Variants in MDGA2 observed in about 807,000 individuals in gnomAD.
The protein encoded by MDGA2 is MAM domain-containing glycosylphosphatidylinositol anchor protein 2.
MDGA2 carries 40 observed loss-of-function variants against 117.8 expected under a neutral mutation model. The observed-to-expected ratio is 0.34, with a 90% CI of 0.26 to 0.44. The LOEUF is 0.44. Ranked by LOEUF, MDGA2 falls within the 20% of genes least tolerant of loss-of-function variation. The pLI is 1.00. For missense variants in MDGA2, 1,123 were observed against 1,250.6 expected (o/e 0.90, Z 1.54); for synonymous variants, 452 against 439.0 (o/e 1.03, Z -0.37).
At chr14:46,897,912 A>T (rs1883143607) in intron 10 of MDGA2, among the ~76,000 whole-genome samples, 1 of 151,988 alleles carries the variant, frequency 6.6e-6, no homozygotes, top group Non-Finnish European at 1.5e-5. Flanking sequence ...TATAAATGAT[A>T]GATAGATCCT....
intron 8 of MDGA2, among the ~76,000 whole-genome samples, chr14:47,014,423 A>G (rs1888010143): frequency 6.6e-6 from 1 of 152,194 alleles, no homozygotes; most frequent in Non-Finnish European, 1.5e-5. Flanking sequence ...CCTGCTATGA[A>G]AATCCTACTG....
intron 8 of MDGA2, among the ~76,000 whole-genome samples, chr14:47,023,879 C>T (rs1174419735): frequency 6.6e-6 from 1 of 151,848 alleles, no homozygotes; most frequent in East Asian, 1.9e-4. Context: ...CATTATATTG[C>T]CAAGCAAGAG....
chr14:47,214,149 G>A (rs1282725454), intron 3 of MDGA2, among the ~76,000 whole-genome samples: 2 of 152,048 alleles, frequency 1.3e-5, no homozygotes, highest in Non-Finnish European at 2.9e-5. Flanking sequence ...AGATTATGGT[G>A]ATTATAATTC....
intron 1 of MDGA2, among the ~76,000 whole-genome samples, chr14:47,320,116 C>G (rs572515047): frequency 1.3e-5 from 2 of 152,244 alleles, no homozygotes; most frequent in South Asian, 4.1e-4. Context: ...CCTGTGGACA[C>G]CTTGATCTTG....
intron 1 of MDGA2, among the ~76,000 whole-genome samples, chr14:47,661,570 T>C (rs1897846393): frequency 6.6e-6 from 1 of 152,132 alleles, no homozygotes; most frequent in South Asian, 2.1e-4. Context: ...AAATACAACT[T>C]AAAAGACCTG....
intron 1 of MDGA2, among the ~76,000 whole-genome samples, chr14:47,302,537 C>T (rs1253171513): frequency 6.6e-6 from 1 of 152,042 alleles, no homozygotes; most frequent in African/African-American, 2.4e-5. Flanking sequence ...TATCTTCAAC[C>T]TAAACAGTAG....
chr14:47,472,748 T>G (rs1893754778), intron 1 of MDGA2, among the ~76,000 whole-genome samples: 1 of 152,120 alleles, frequency 6.6e-6, no homozygotes, highest in South Asian at 2.1e-4. Context: ...TGGAGAGGGC[T>G]CCTTCTTTTA....
chr14:47,349,149 A>C, intron 1 of MDGA2, among the ~76,000 whole-genome samples: 1 of 152,238 alleles, frequency 6.6e-6, no homozygotes, highest in Non-Finnish European at 1.5e-5. Flanking sequence ...CCTAGAGCCT[A>C]CTTGAAGTGA....
At chr14:47,168,186 G>C (rs1159940730) in intron 3 of MDGA2, among the ~76,000 whole-genome samples, 3 of 146,344 alleles carry the variant, frequency 2.0e-5, no homozygotes, top group African/African-American at 7.6e-5. Context: ...TGGAGTTTCT[G>C]AGAATATTTT....
At chr14:47,342,478 C>A (rs1890659965) in intron 1 of MDGA2, among the ~76,000 whole-genome samples, 1 of 151,842 alleles carries the variant, frequency 6.6e-6, no homozygotes, top group African/African-American at 2.4e-5. Context: ...ATTTCACAAC[C>A]CACGTTCTTA....
intron 16 of MDGA2, among the ~76,000 whole-genome samples, chr14:46,843,046 A>G (rs1228316568): frequency 6.6e-6 from 1 of 152,084 alleles, no homozygotes; most frequent in East Asian, 1.9e-4. Context: ...TATTTCCCCT[A>G]ATTTATAGAG....
At chr14:47,179,870 C>T (rs1884628775) in intron 3 of MDGA2, among the ~76,000 whole-genome samples, 2 of 151,972 alleles carry the variant, frequency 1.3e-5, no homozygotes, top group Admixed American at 1.3e-4. Context: ...TTTTTTAGAA[C>T]TAAATTTGGA....
intron 2 of MDGA2, among the ~76,000 whole-genome samples, chr14:47,289,760 T>C (rs1888816532): frequency 6.6e-6 from 1 of 152,176 alleles, no homozygotes; most frequent in Non-Finnish European, 1.5e-5. Context: ...ATATCAACTC[T>C]TGTAGTAAAA....
chr14:46,869,287 T>C (rs933976583), intron 14 of MDGA2, among the ~76,000 whole-genome samples: 1 of 151,740 alleles, frequency 6.6e-6, no homozygotes, highest in African/African-American at 2.4e-5. Context: ...TTTAAAGAAA[T>C]GAATGATGCA....
intron 1 of MDGA2, among the ~76,000 whole-genome samples, chr14:47,383,470 T>A (rs2138421994): frequency 6.6e-6 from 1 of 152,302 alleles, no homozygotes; most frequent in Non-Finnish European, 1.5e-5. Context: ...GAAATATTAA[T>A]AAAATTCTGT....
chr14:47,225,481 A>G (rs1035587632), intron 2 of MDGA2, among the ~76,000 whole-genome samples: 4 of 152,072 alleles, frequency 2.6e-5, no homozygotes, highest in Non-Finnish European at 5.9e-5. Context: ...CTATGCAGCC[A>G]TAAAAAAGGA....
intron 2 of MDGA2, among the ~76,000 whole-genome samples, chr14:47,254,958 G>T (rs1887568211): frequency 6.6e-6 from 1 of 152,102 alleles, no homozygotes. Flanking sequence ...AAAGCCATAA[G>T]ATCTTATAAG....
At chr14:47,458,562 A>G (rs1031532192) in intron 1 of MDGA2, among the ~76,000 whole-genome samples, 1 of 152,144 alleles carries the variant, frequency 6.6e-6, no homozygotes, top group South Asian at 2.1e-4. Context: ...ATGCTGGATG[A>G]GTAAGTTCTG....
intron 2 of MDGA2, among the ~76,000 whole-genome samples, chr14:47,295,493 G>A (rs901824655): frequency 2.6e-5 from 4 of 152,058 alleles, no homozygotes; most frequent in African/African-American, 9.7e-5. Flanking sequence ...ATTTATTTGG[G>A]TGGAGAACAT....
Sources: gnomAD v4.1 joint callset for allele counts (sites outside exome capture counted in the v4.1 genomes callset) on GRCh38, gnomAD v4.1.1 for gene constraint, MANE v1.5 for transcripts, NCBI Gene and HGNC (gene_info 2026-07-23, HGNC 2026-07-21) for gene names.